ARHGAP6: variants seen among roughly 807,000 people sequenced by gnomAD.
ARHGAP6 encodes rho GTPase-activating protein 6.
A neutral mutation model predicts 55.7 loss-of-function variants in ARHGAP6; 16 were observed. The observed-to-expected ratio is 0.29, with a 90% CI of 0.19 to 0.44. ARHGAP6 has a LOEUF of 0.44. Ranked by LOEUF, ARHGAP6 falls within the 20% of genes least tolerant of loss-of-function variation. The pLI is 1.00. For missense variants in ARHGAP6, 698 were observed against 808.9 expected (o/e 0.86, Z 1.66); for synonymous variants, 382 against 360.9 (o/e 1.06, Z -0.66).
intron 1 of ARHGAP6, among the ~76,000 whole-genome samples, chrX:11,576,594 A>G (rs1475717804): frequency 1.8e-5 from 2 of 112,234 alleles, no homozygotes. Flanking sequence ...TGATATTTTA[A>G]CTAAGGTAAA....
At chrX:11,174,647 CTTT>C (rs2147320385) in intron 8 of ARHGAP6, among the ~76,000 whole-genome samples, 1 of 73,828 alleles carries the variant, frequency 1.4e-5, no homozygotes, top group East Asian at 3.7e-4. Flanking sequence ...TTCTTTCTTT[CTTT>C]CTTTCTTTCT....
intron 10 of ARHGAP6, chrX:11,148,468 T>A (rs1289845718): frequency 1.2e-5 from 2 of 166,448 alleles, no homozygotes; most frequent in African/African-American, 6.3e-5. Context: ...TGGATTGAGG[T>A]TGGGTGGACA....
intron 1 of ARHGAP6, among the ~76,000 whole-genome samples, chrX:11,389,688 T>C (rs1409759465): frequency 8.9e-6 from 1 of 112,658 alleles, no homozygotes; most frequent in Non-Finnish European, 1.9e-5. Context: ...CTTTTCAAGC[T>C]ATACAATTAT....
intron 1 of ARHGAP6, among the ~76,000 whole-genome samples, chrX:11,264,306 T>A (rs1041026374): frequency 3.6e-5 from 4 of 111,548 alleles, no homozygotes; most frequent in African/African-American, 1.3e-4. Flanking sequence ...TATCTGCAAA[T>A]GGCCTGTTCA....
intron 1 of ARHGAP6, among the ~76,000 whole-genome samples, chrX:11,353,640 C>A (rs1258758104): frequency 9.4e-6 from 1 of 105,911 alleles, no homozygotes; most frequent in African/African-American, 3.5e-5. Context: ...GTCCCAAGGG[C>A]CACACCTATT....
At chrX:11,422,098 G>A (rs1182646776) in intron 1 of ARHGAP6, among the ~76,000 whole-genome samples, 1 of 111,635 alleles carries the variant, frequency 9.0e-6, no homozygotes, top group East Asian at 2.8e-4. Context: ...AGTCAGAGGA[G>A]ACAGACAAAC....
intron 1 of ARHGAP6, among the ~76,000 whole-genome samples, chrX:11,588,943 G>A (rs1257261278): frequency 3.6e-5 from 4 of 111,606 alleles, no homozygotes; most frequent in Admixed American, 9.5e-5. Context: ...CTTCAAAAAC[G>A]GTGTTGTTAA....
intron 1 of ARHGAP6, chrX:11,335,651 T>C: frequency 1.0e-5 from 3 of 290,389 alleles, no homozygotes; most frequent in South Asian, 7.5e-5. Flanking sequence ...TTCCAAGTCT[T>C]TGCTGTTGTC....
intron 1 of ARHGAP6, among the ~76,000 whole-genome samples, chrX:11,509,763 T>C (rs758256713): frequency 8.9e-6 from 1 of 112,291 alleles, no homozygotes; most frequent in East Asian, 2.8e-4. Flanking sequence ...TAAGACACTT[T>C]GTCCTGTGTT....
intron 2 of ARHGAP6, among the ~76,000 whole-genome samples, chrX:11,217,443 A>G (rs192110205): frequency 1.8e-5 from 2 of 112,063 alleles, no homozygotes; most frequent in Admixed American, 1.9e-4. Flanking sequence ...TGTGGTTTTG[A>G]TTTGCATTTC....
chrX:11,143,604 C>G, intron 11 of ARHGAP6: 1 of 949,738 alleles, frequency 1.1e-6, no homozygotes, highest in Non-Finnish European at 1.3e-6. Flanking sequence ...AGAAATGTAA[C>G]AGCAGTAATT....
intron 1 of ARHGAP6, among the ~76,000 whole-genome samples, chrX:11,520,131 T>TTATATATATATATA (rs1160731443): frequency 1.6e-3 from 29 of 18,261 alleles, no homozygotes; most frequent in Non-Finnish European, 1.9e-3. Context: ...AGAATTGATT[T>TTATATATATATATA]TATATATATA....
At chrX:11,506,347 T>C (rs752162315) in intron 1 of ARHGAP6, among the ~76,000 whole-genome samples, 143 of 110,984 alleles carry the variant, frequency 1.3e-3, no homozygotes, top group African/African-American at 4.4e-3. Context: ...CCCATCAACC[T>C]ATCACCTACA....
At chrX:11,456,391 A>T (rs976666888) in intron 1 of ARHGAP6, among the ~76,000 whole-genome samples, 2 of 111,805 alleles carry the variant, frequency 1.8e-5, no homozygotes, top group African/African-American at 6.5e-5. Context: ...TTCTTCGAGG[A>T]AAACAAAAAA....
At chrX:11,408,572 C>T (rs1316954337) in intron 1 of ARHGAP6, among the ~76,000 whole-genome samples, 1 of 110,857 alleles carries the variant, frequency 9.0e-6, no homozygotes, top group African/African-American at 3.3e-5. Context: ...GAGGAGGTGA[C>T]CGATGCAGCA....
At chrX:11,165,389 G>T (rs2046004398) in intron 9 of ARHGAP6, among the ~76,000 whole-genome samples, 1 of 111,396 alleles carries the variant, frequency 9.0e-6, no homozygotes, top group African/African-American at 3.3e-5. Context: ...AAGGGCCTAG[G>T]AGTATATATG....
chrX:11,312,724 T>C (rs987508836), intron 1 of ARHGAP6, among the ~76,000 whole-genome samples: 4 of 111,940 alleles, frequency 3.6e-5, no homozygotes, highest in African/African-American at 1.3e-4. Flanking sequence ...ATAATGATTA[T>C]TTTTATCCAC....
At chrX:11,372,503 T>G (rs1167697917) in intron 1 of ARHGAP6, among the ~76,000 whole-genome samples, 1 of 110,907 alleles carries the variant, frequency 9.0e-6, no homozygotes, top group Non-Finnish European at 1.9e-5. Context: ...ACTGGCACGG[T>G]GGCTCACGCC....
chrX:11,190,096 T>A (rs2147349587), intron 3 of ARHGAP6, among the ~76,000 whole-genome samples: 1 of 111,815 alleles, frequency 8.9e-6, no homozygotes, highest in African/African-American at 3.2e-5. Context: ...TTTAAAAGGT[T>A]TTCCTCCTTG....
Sources: allele counts gnomAD v4.1 joint callset (sites outside exome capture counted in the v4.1 genomes callset), GRCh38; gene constraint gnomAD v4.1.1; transcripts MANE v1.5; gene names NCBI Gene and HGNC (gene_info 2026-07-23, HGNC 2026-07-21).